ADGRV1: variants seen among roughly 807,000 people sequenced by gnomAD.
The protein encoded by ADGRV1 is G-protein coupled receptor 98.
In ADGRV1, 359 loss-of-function variants were observed where a neutral mutation model predicts 596.2. The ratio of observed to expected loss-of-function variants is 0.60; its 90% CI spans 0.55 to 0.66. The LOEUF (loss-of-function observed/expected upper bound fraction) is 0.66. Ranked by LOEUF, ADGRV1 falls within the 30% of genes least tolerant of loss-of-function variation. The probability of loss-of-function intolerance (pLI) is 0.00; values close to 1 mark genes in which losing one functional copy is unlikely to be tolerated. For synonymous variants in ADGRV1, 2,681 were observed against 2,679.2 expected, an observed-to-expected ratio of 1.00 and a Z score of -0.02; for missense variants, 7,274 against 7,575.6, an observed-to-expected ratio of 0.96 and a Z score of 1.48.
intron 85 of ADGRV1, among the ~76,000 whole-genome samples, chr5:90,986,510 C>CAT (rs1780511781): frequency 6.6e-6 from 1 of 152,044 alleles, no homozygotes. Flanking sequence ...ACACATACCC[C>CAT]ATACCACATT....
chr5:90,790,801 A>G, intron 69 of ADGRV1, 72 bp from the exon 70 acceptor site: 1 of 1,001,482 alleles, frequency 1.0e-6, no homozygotes, highest in South Asian at 1.7e-5. Flanking sequence ...ATAGAGAAAA[A>G]CATAATTTAA....
At chr5:91,113,987 G>A (rs1792620688) in intron 87 of ADGRV1, among the ~76,000 whole-genome samples, 1 of 152,108 alleles carries the variant, frequency 6.6e-6, no homozygotes. Flanking sequence ...GGGAAGCCAA[G>A]GCAGGCAGAT....
intron 87 of ADGRV1, among the ~76,000 whole-genome samples, chr5:91,124,119 C>A (rs1793554451): frequency 1.3e-5 from 2 of 152,106 alleles, no homozygotes. Flanking sequence ...CTTTTACTTC[C>A]TTTCATGATT....
chr5:90,738,790 T>G lies in ADGRV1; in HGVS notation c.10550-6256T>G, dbSNP rs1353949885. ...GGGTAAACTCTTCATTGAGTTGAAT[T>G]TGACTGGAGAACTTTGAGCTTCCAA... On this transcript the variant is annotated intron_variant, in intron 50 of 89. Coordinates refer to ENST00000405460, the MANE Select transcript of ADGRV1 (RefSeq NM_032119.4). 3.3e-5 allele frequency among the ~76,000 whole-genome samples: 5 copies of G among 152,292 alleles called. No individual in the cohort carries two copies. The East Asian group carries it at 9.6e-4, about 29-fold the overall frequency.
Position 90,658,280 on chromosome 5 carries a change from T to C in ADGRV1, c.4752+2T>C, listed in dbSNP as rs774386059. The C allele has an allele frequency of 1.3e-6, 2 of 1,492,280 alleles. No homozygotes were observed. The highest frequency in any genetic ancestry group is 2.8e-5 in the African/African-American group (2 of 71,402). 92.4% of individuals were successfully genotyped at this position (1,492,280 alleles called of 1,614,324 possible). On this transcript the variant is annotated splice_donor_variant, in intron 21 of 89. Transcript: ENST00000405460. LOFTEE classifies it high-confidence loss of function. Reference sequence around the variant, plus strand: ...TTCACAGGAGCTTGTATACCAGAGGTAAGTAGTGAGCTTGGAGAATTTTGG... The same window carrying C: ...TTCACAGGAGCTTGTATACCAGAGGCAAGTAGTGAGCTTGGAGAATTTTGG...
chr5:90,633,596 C>T (rs1279388104), intron 9 of ADGRV1, among the ~76,000 whole-genome samples: 2 of 151,428 alleles, frequency 1.3e-5, no homozygotes, highest in Non-Finnish European at 2.9e-5. Flanking sequence ...TAACTTTGTG[C>T]TATTTTGTAA....
At chr5:91,023,952 C>T (rs1311197448) in intron 85 of ADGRV1, among the ~76,000 whole-genome samples, 1 of 152,052 alleles carries the variant, frequency 6.6e-6, no homozygotes, top group East Asian at 1.9e-4. Context: ...CTTAAATAAC[C>T]ACTATGTCTC....
intron 83 of ADGRV1, among the ~76,000 whole-genome samples, chr5:90,888,265 TA>T (rs1214935364): frequency 6.6e-6 from 1 of 152,180 alleles, no homozygotes; most frequent in Non-Finnish European, 1.5e-5. Context: ...GACTACCATA[TA>T]ACTCTGTGAT....
chr5:90,735,477 C>T lies in ADGRV1; in HGVS notation c.10549+5713C>T, dbSNP rs543032142. Among the ~76,000 whole-genome samples the T allele has an allele frequency of 1.8e-3, 273 of 152,076 alleles. 2 individuals are homozygous for T. The highest frequency in any genetic ancestry group is 8.0e-3 in the Admixed American group (122 of 15,274). On this transcript the variant is annotated intron_variant, in intron 50 of 89. Transcript: ENST00000405460. ...CAGCCTTGTTCTTTTTGCTTGAGATCGTTTTGTCTATTCAGAGTGTTTTGT... is the reference window on the plus strand; with the variant it reads ...CAGCCTTGTTCTTTTTGCTTGAGATTGTTTTGTCTATTCAGAGTGTTTTGT...
chr5:90,669,895 C>G (rs1772190842), intron 21 of ADGRV1, among the ~76,000 whole-genome samples: 1 of 152,312 alleles, frequency 6.6e-6, no homozygotes, highest in Non-Finnish European at 1.5e-5. Flanking sequence ...TTCATGATTT[C>G]AAAATAAGTG....
chr5:90,664,637 C>A (rs1460831940), intron 21 of ADGRV1, among the ~76,000 whole-genome samples: 3 of 138,592 alleles, frequency 2.2e-5, no homozygotes. Context: ...CTGGCCAGAA[C>A]TTCCAACACT....
chr5:90,563,472 G>A (rs1229585292), intron 1 of ADGRV1, among the ~76,000 whole-genome samples: 1 of 152,242 alleles, frequency 6.6e-6, no homozygotes, highest in Non-Finnish European at 1.5e-5. Context: ...AAGCAAATAA[G>A]GGGATGACTG....
chr5:90,981,166 A>G (rs1398659023), intron 84 of ADGRV1, among the ~76,000 whole-genome samples: 1 of 152,208 alleles, frequency 6.6e-6, no homozygotes, highest in East Asian at 1.9e-4. Flanking sequence ...TGGAAGGTGA[A>G]CATTGGTTCA....
Position 90,893,501 on chromosome 5 carries a change from G to A in ADGRV1, c.17856+29644G>A, listed in dbSNP as rs530388792. ...GGGGCCGTTGTGAAGGCTGGCTGCC[G>A]TGATATGTTTGGCTATATAAAGTCA... On this transcript the variant is annotated intron_variant, in intron 83 of 89. Coordinates refer to ENST00000405460, the MANE Select transcript of ADGRV1 (RefSeq NM_032119.4). Among the ~76,000 whole-genome samples the A allele has an allele frequency of 6.6e-5, 10 of 152,208 alleles. No homozygotes were observed. The South Asian group carries it at 1.5e-3, about 22-fold the overall frequency.
intron 7 of ADGRV1, 144 bp downstream of exon 7, chr5:90,627,920 A>ACG (rs1764996875): frequency 1.1e-5 from 2 of 186,242 alleles, no homozygotes. Flanking sequence ...CAGAAAAGAC[A>ACG]CACACACACA....
chr5:91,158,545 T>C (rs1796660406), intron 89 of ADGRV1, among the ~76,000 whole-genome samples: 1 of 152,200 alleles, frequency 6.6e-6, no homozygotes, highest in Non-Finnish European at 1.5e-5. Flanking sequence ...TTGTTCTATG[T>C]ACTTCCCTTC....
At chr5:90,795,415 G>A (rs534586770) in intron 70 of ADGRV1, among the ~76,000 whole-genome samples, 1 of 152,334 alleles carries the variant, frequency 6.6e-6, no homozygotes, top group South Asian at 2.1e-4. Flanking sequence ...GCCCACCACA[G>A]CGCAGCAAGG....
intron 83 of ADGRV1, among the ~76,000 whole-genome samples, chr5:90,925,759 G>A (rs1232946019): frequency 7.3e-6 from 1 of 136,256 alleles, no homozygotes; most frequent in African/African-American, 2.7e-5. Context: ...TATGATATTG[G>A]CTGTGGGTTT....
Position 90,703,803 on chromosome 5 carries a change from T to C in ADGRV1, c.8286+8T>C, listed in dbSNP as rs749353042. On this transcript the variant is annotated splice_region_variant and intron_variant, in intron 35 of 89. Transcript: ENST00000405460. ...CAACTTTTCTTTCCTGAGGTAATAC[T>C]GCAAAGAAAAGTCGATCACAAATAT... 1.3e-6 allele frequency: 2 copies of C among 1,573,300 alleles called. No homozygotes were observed. The highest frequency in any genetic ancestry group is 2.4e-5 in the South Asian group (2 of 83,544).
Sources: gnomAD v4.1 joint callset for allele counts (sites outside exome capture counted in the v4.1 genomes callset) on GRCh38, gnomAD v4.1.1 for gene constraint, MANE v1.5 for transcripts, NCBI Gene and HGNC (gene_info 2026-07-23, HGNC 2026-07-21) for gene names.